MAP3K9: variants seen among roughly 807,000 people sequenced by gnomAD.
MAP3K9 encodes mitogen-activated protein kinase kinase kinase 9, also known as mixed lineage kinase 1 (tyr and ser/thr specificity).
A neutral mutation model predicts 95.8 loss-of-function variants in MAP3K9; 46 were observed. The ratio of observed to expected loss-of-function variants is 0.48; its 90% CI spans 0.38 to 0.61. The LOEUF (loss-of-function observed/expected upper bound fraction) is 0.61, where lower values mean the gene tolerates loss of function less well. Among genes scored for constraint, MAP3K9 ranks in the 20% least tolerant of loss-of-function variants. The pLI, the probability that MAP3K9 is intolerant of heterozygous loss-of-function variation, is 0.00. For missense variants in MAP3K9, 1,296 were observed against 1,474.3 expected, an observed-to-expected ratio of 0.88 and a Z score of 1.98; for synonymous variants, 533 against 593.8, an observed-to-expected ratio of 0.90 and a Z score of 1.49.
At chr14:70,753,658 T>C (rs1318097809) in intron 3 of MAP3K9, among the ~76,000 whole-genome samples, 1 of 152,188 alleles carries the variant, frequency 6.6e-6, no homozygotes, top group Non-Finnish European at 1.5e-5. Context: ...TCACTGCCTC[T>C]GAGTACCTCC....
intron 11 of MAP3K9, among the ~76,000 whole-genome samples, chr14:70,731,547 T>C (rs1236968484): frequency 1.3e-5 from 2 of 152,236 alleles, no homozygotes; most frequent in African/African-American, 2.4e-5. Flanking sequence ...CAACAGAAAC[T>C]GTACGGCCTA....
At chr14:70,807,962 T>C (rs956108401) in intron 1 of MAP3K9, among the ~76,000 whole-genome samples, 3 of 152,046 alleles carry the variant, frequency 2.0e-5, no homozygotes, top group Non-Finnish European at 4.4e-5. Context: ...GTTCCAAAGA[T>C]AGGCAAGGAT....
intron 7 of MAP3K9, among the ~76,000 whole-genome samples, chr14:70,739,474 A>G (rs548607890): frequency 8.0e-4 from 122 of 151,616 alleles, no homozygotes; most frequent in African/African-American, 2.9e-3. Context: ...AACCAGGGAA[A>G]CTAATTCATT....
At chr14:70,766,188 G>T (rs186771931) in intron 2 of MAP3K9, among the ~76,000 whole-genome samples, 1 of 152,160 alleles carries the variant, frequency 6.6e-6, no homozygotes, top group East Asian at 1.9e-4. Flanking sequence ...ATGGGTCTAG[G>T]TTCACTGTAA....
At chr14:70,763,063 C>G (rs191442418) in intron 2 of MAP3K9, among the ~76,000 whole-genome samples, 141 of 152,336 alleles carry the variant, frequency 9.3e-4, no homozygotes, top group Non-Finnish European at 1.4e-3. Context: ...GTTATATTCA[C>G]AGCAGTTTAC....
rs1181459400 is a variant in MAP3K9 at position 70,724,186 on chromosome 14, C to G, written c.*6194G>C. ...AAGAGGAGAATCTAAAGGAGCCTCTCTGCCATAATCACTTCCCTTCTCCAG... is the reference window on the plus strand; with the variant it reads ...AAGAGGAGAATCTAAAGGAGCCTCTGTGCCATAATCACTTCCCTTCTCCAG... On this transcript the variant is annotated 3_prime_UTR_variant, in exon 12 of 12. Transcript: ENST00000554752. 1.3e-5 allele frequency: 2 copies of G among 152,224 alleles called. No homozygotes were observed. Among genetic ancestry groups the G allele is most frequent in the East Asian group, 3.9e-4 (2 of 5,194 alleles). The allele number at this position is 152,224 out of a possible 1,614,324, so 9.4% of individuals were successfully genotyped here.
intron 8 of MAP3K9, 141 bp from the exon 9 acceptor site, chr14:70,736,170 G>A (rs1244552701): frequency 1.5e-6 from 1 of 685,462 alleles, no homozygotes; most frequent in East Asian, 2.7e-5. Flanking sequence ...CCCACACCAT[G>A]AAAGAATCTT....
At chr14:70,764,856 A>C (rs920546200) in intron 2 of MAP3K9, among the ~76,000 whole-genome samples, 10 of 152,184 alleles carry the variant, frequency 6.6e-5, no homozygotes, top group Admixed American at 2.0e-4. Context: ...CAAACAACAA[A>C]AAAAAAGTAA....
In MAP3K9 at chr14:70,730,730, G is replaced by A; in HGVS notation, c.2965C>T (p.Leu989=). 1.9e-6 allele frequency: 3 copies of A among 1,613,920 alleles called. No homozygotes were observed. The highest frequency in any genetic ancestry group is 2.5e-6 in the Non-Finnish European group (3 of 1,180,032). ...GGACGCGGCCGAGGCAGAAACTCCA[G>A]AGTCTTGGGTCTCTCCAAGGTAGAG... ...QDSTLERPKT[L]EFLPRPRPSA... is the part of the protein sequence containing the mutation. The change falls in exon 12 of 12, where the codon CTG becomes TTG. Residue 989 remains leucine, a synonymous_variant. Transcript: ENST00000554752.
intron 1 of MAP3K9, 65 bp from the exon 2 acceptor site, chr14:70,801,145 C>T: frequency 6.8e-7 from 1 of 1,480,800 alleles, no homozygotes; most frequent in South Asian, 1.3e-5. Context: ...TTTAACCTTT[C>T]ATTTACCTGA....
At position 70,804,588 on chromosome 14, in the gene MAP3K9, G is replaced by T. The variant is rs558411534; in HGVS notation, c.407-3508C>A. Among the ~76,000 whole-genome samples, 99 of 152,056 alleles carry T rather than the reference G, an allele frequency of 6.5e-4. 1 individual carries two copies. Among genetic ancestry groups the T allele is most frequent in the Non-Finnish European group, 1.2e-3 (81 of 68,024 alleles). Reference sequence around the variant, plus strand: ...TCTCCTTAAGGGAATTTTAACTATTGTACTTTCTCTTGTACCCTCCCTTCT... The same window carrying T: ...TCTCCTTAAGGGAATTTTAACTATTTTACTTTCTCTTGTACCCTCCCTTCT... On this transcript the variant is annotated intron_variant, in intron 1 of 11. Coordinates refer to ENST00000554752, the MANE Select transcript of MAP3K9 (RefSeq NM_001284230.2).
chr14:70,774,675 A>AAAC (rs201096147), intron 2 of MAP3K9, among the ~76,000 whole-genome samples: 1 of 147,674 alleles, frequency 6.8e-6, no homozygotes, highest in Non-Finnish European at 1.5e-5. Flanking sequence ...TCTCAAAAAC[A>AAAC]AACAACAACA....
At chr14:70,755,438 T>C (rs1190585115) in intron 3 of MAP3K9, among the ~76,000 whole-genome samples, 1 of 152,236 alleles carries the variant, frequency 6.6e-6, no homozygotes, top group Admixed American at 6.5e-5. Context: ...GCCACCTGGG[T>C]GAACTTAGGC....
At chr14:70,785,703 T>C (rs1162138212) in intron 2 of MAP3K9, among the ~76,000 whole-genome samples, 2 of 152,094 alleles carry the variant, frequency 1.3e-5, no homozygotes, top group Non-Finnish European at 2.9e-5. Flanking sequence ...ATGTCAATGG[T>C]TGGATGTCAG....
At position 70,740,103 on chromosome 14, in the gene MAP3K9, G is replaced by A; in HGVS notation, c.1629C>T (p.Ile543=). 6.2e-7 allele frequency: 1 copy of A among 1,614,152 alleles called. No individual in the cohort carries two copies. The highest frequency in any genetic ancestry group is 8.5e-7 in the Non-Finnish European group (1 of 1,180,028). Reference sequence around the variant, plus strand: ...TTGCAGGAGGACTGGAGCGGCTGTTGATAAGACTCTTCCTTTTATCCATGG... The same window carrying A: ...TTGCAGGAGGACTGGAGCGGCTGTTAATAAGACTCTTCCTTTTATCCATGG... ...SPTMDKRKSL[I]NSRSSPPASP... Residue 543 remains isoleucine, a synonymous_variant, in exon 7 of 12, where the codon ATC becomes ATT. Transcript: ENST00000554752.
intron 2 of MAP3K9, among the ~76,000 whole-genome samples, chr14:70,794,509 G>C (rs2054840711): frequency 6.6e-6 from 1 of 151,950 alleles, no homozygotes; most frequent in African/African-American, 2.4e-5. Context: ...TAGTGATTAG[G>C]GCCACAAGCT....
At chr14:70,799,465 G>C (rs373760546) in intron 2 of MAP3K9, among the ~76,000 whole-genome samples, 1 of 151,976 alleles carries the variant, frequency 6.6e-6, no homozygotes, top group South Asian at 2.1e-4. Flanking sequence ...TCAGCCTCCC[G>C]AGTAGCTGGG....
chr14:70,774,162 A>G (rs571145212), intron 2 of MAP3K9, among the ~76,000 whole-genome samples: 7 of 152,356 alleles, frequency 4.6e-5, no homozygotes, highest in African/African-American at 1.7e-4. Flanking sequence ...ACATGTACTG[A>G]AAGCCTGTAT....
In MAP3K9 at chr14:70,794,495, AGT is replaced by A. The variant is rs1327954031; in HGVS notation, c.820+6170_820+6171del. Among the ~76,000 whole-genome samples the A allele has an allele frequency of 7.9e-5, 12 of 152,142 alleles. No individual in the cohort carries two copies. The East Asian group carries it at 9.6e-4, about 12-fold the overall frequency. ...TGTCCAACAGGAGTGTGCAGGCAAG[AGT>A]GTAGTGATTAGGGCCACAAGCTGAC... On this transcript the variant is annotated intron_variant, in intron 2 of 11. Transcript: ENST00000554752.
Sources: gnomAD v4.1 joint callset for allele counts (sites outside exome capture counted in the v4.1 genomes callset) on GRCh38, gnomAD v4.1.1 for gene constraint, MANE v1.5 for transcripts, NCBI Gene and HGNC (gene_info 2026-07-23, HGNC 2026-07-21) for gene names.